FKBP5: variants seen among roughly 807,000 people sequenced by gnomAD.
The protein encoded by FKBP5 is FKBP prolyl isomerase 5.
Under a neutral mutation model 50.5 loss-of-function variants are expected in FKBP5, and 23 were observed. The observed-to-expected ratio is 0.46, with a 90% CI of 0.33 to 0.65. FKBP5 has a LOEUF of 0.65. Ranked by LOEUF, FKBP5 falls within the 30% of genes least tolerant of loss-of-function variation. The pLI is 0.02. For missense variants in FKBP5, 411 were observed against 553.1 expected, an observed-to-expected ratio of 0.74 and a Z score of 2.58; for synonymous variants, 176 against 190.6, an observed-to-expected ratio of 0.92 and a Z score of 0.63.
intron 1 of FKBP5, among the ~76,000 whole-genome samples, chr6:35,721,475 G>C (rs898010846): frequency 2.0e-5 from 3 of 149,994 alleles, no homozygotes; most frequent in East Asian, 1.9e-4. Context: ...TTTTTTTTTA[G>C]ATGGAGTTTC....
At chr6:35,597,167 G>T in intron 6 of FKBP5, 81 bp downstream of exon 6, 1 of 1,494,422 alleles carries the variant, frequency 6.7e-7, no homozygotes, top group Non-Finnish European at 9.2e-7. Context: ...CACTGAAAAT[G>T]CCAAAACACT....
chr6:35,703,070 C>T (rs1019820579), intron 2 of FKBP5, among the ~76,000 whole-genome samples: 7 of 152,100 alleles, frequency 4.6e-5, no homozygotes, highest in African/African-American at 1.4e-4. Context: ...GCCAACATGG[C>T]GAAACCCTGT....
intron 2 of FKBP5, among the ~76,000 whole-genome samples, chr6:35,717,991 G>A (rs1766542337): frequency 6.6e-6 from 1 of 152,184 alleles, no homozygotes; most frequent in South Asian, 2.1e-4. Context: ...AACGGTGGCT[G>A]GCAAAACAGA....
At chr6:35,706,538 G>A (rs907941224) in intron 2 of FKBP5, among the ~76,000 whole-genome samples, 5 of 152,004 alleles carry the variant, frequency 3.3e-5, no homozygotes, top group Non-Finnish European at 5.9e-5. Flanking sequence ...TATGCCATTT[G>A]TATCTACTTG....
intron 3 of FKBP5, among the ~76,000 whole-genome samples, chr6:35,635,443 CCT>C (rs1018233868): frequency 6.6e-6 from 1 of 151,464 alleles, no homozygotes. Context: ...AGATCGAGAC[CCT>C]GTCTCAAAAA....
chr6:35,604,945 CA>C lies in FKBP5; in HGVS notation c.509-7542del, dbSNP rs572965151. On this transcript the variant is annotated intron_variant, in intron 5 of 10. Coordinates refer to ENST00000357266, the MANE Select transcript of FKBP5 (RefSeq NM_004117.4). ...GACTACAGGCGCCCGCCACCATGCC[CA>C]GCTAATTTTTTGTATTTTTAGTAGA... 2.6e-4 allele frequency among the ~76,000 whole-genome samples: 39 copies of C among 152,122 alleles called. No homozygotes were observed. The South Asian group carries it at 6.4e-3, about 25-fold the overall frequency.
At chr6:35,710,043 G>A (rs1766387204) in intron 2 of FKBP5, among the ~76,000 whole-genome samples, 1 of 152,188 alleles carries the variant, frequency 6.6e-6, no homozygotes, top group Admixed American at 6.5e-5. Context: ...AGAATTCCAG[G>A]AAATGATCCT....
chr6:35,630,706 C>T (rs1764129080), intron 3 of FKBP5, among the ~76,000 whole-genome samples: 1 of 152,204 alleles, frequency 6.6e-6, no homozygotes, highest in Non-Finnish European at 1.5e-5. Context: ...CTGCCACTTA[C>T]TGTATAGCCT....
At chr6:35,683,124 G>A (rs1462430599) in intron 1 of FKBP5, among the ~76,000 whole-genome samples, 24 of 9,016 alleles carry the variant, frequency 2.7e-3, no homozygotes, top group African/African-American at 3.7e-3. Context: ...ACGTATATGT[G>A]TGTGTGTGTG....
At chr6:35,636,873 C>A in intron 3 of FKBP5, 141 bp downstream of exon 3, 1 of 638,648 alleles carries the variant, frequency 1.6e-6, no homozygotes, top group Non-Finnish European at 2.4e-6. Context: ...CTCAGAGAGC[C>A]CTAGGGATTC....
At chr6:35,667,961 T>G (rs1193383631) in intron 1 of FKBP5, among the ~76,000 whole-genome samples, 2 of 152,084 alleles carry the variant, frequency 1.3e-5, no homozygotes, top group African/African-American at 4.8e-5. Flanking sequence ...TGAGACTCTT[T>G]CGAAAAGAAA....
At position 35,642,562 on chromosome 6, in the gene FKBP5, C is replaced by A. The variant is rs1356252809; in HGVS notation, c.105+158G>T. Among the ~76,000 whole-genome samples the A allele has an allele frequency of 3.3e-5, 5 of 152,212 alleles. No homozygotes were observed. The South Asian group carries it at 1.0e-3, about 32-fold the overall frequency. On this transcript the variant is annotated intron_variant, in intron 2 of 10. Transcript: ENST00000357266. ...AACGAGACTCAACTCTTAAAAAAAA[C>A]CTTGAAGTTATGAAGACAAAATGAG... is the stretch of plus-strand genomic sequence containing the variant.
At chr6:35,711,395 A>G (rs939321567) in intron 2 of FKBP5, among the ~76,000 whole-genome samples, 2 of 151,918 alleles carry the variant, frequency 1.3e-5, no homozygotes, top group Non-Finnish European at 1.5e-5. Context: ...AGGTGGGTGC[A>G]TCACCTGAGG....
chr6:35,613,795 G>A (rs1210781212), intron 5 of FKBP5, among the ~76,000 whole-genome samples: 1 of 152,310 alleles, frequency 6.6e-6, no homozygotes, highest in East Asian at 1.9e-4. Context: ...TCTTTTGAGT[G>A]AAAAAGTAAA....
At chr6:35,708,772 G>T (rs1471560412) in intron 2 of FKBP5, among the ~76,000 whole-genome samples, 1 of 152,024 alleles carries the variant, frequency 6.6e-6, no homozygotes, top group African/African-American at 2.4e-5. Flanking sequence ...TTGTTTGTTT[G>T]TTTGTTTTGC....
intron 5 of FKBP5, among the ~76,000 whole-genome samples, chr6:35,618,230 CAG>C (rs544910524): frequency 9.2e-4 from 140 of 152,168 alleles, no homozygotes; most frequent in African/African-American, 3.0e-3. Context: ...GTTGGCACAC[CAG>C]AGAGTCCACA....
chr6:35,720,757 G>A (rs1029539384), intron 1 of FKBP5, among the ~76,000 whole-genome samples: 3 of 152,068 alleles, frequency 2.0e-5, no homozygotes. Context: ...TTGGAGCCAC[G>A]ATCATCCTGC....
chr6:35,586,535 G>A (rs1425265422), intron 8 of FKBP5: 7 of 987,680 alleles, frequency 7.1e-6, no homozygotes, highest in Non-Finnish European at 8.4e-6. Flanking sequence ...GGGAAGCTGA[G>A]GTGGGAGGAT....
At chr6:35,624,046 G>C (rs1305462253) in intron 3 of FKBP5, among the ~76,000 whole-genome samples, 5 of 152,024 alleles carry the variant, frequency 3.3e-5, no homozygotes, top group African/African-American at 9.7e-5. Context: ...TGTTGCTCAG[G>C]CTGGACTCAA....
Sources: allele counts gnomAD v4.1 joint callset (sites outside exome capture counted in the v4.1 genomes callset), GRCh38; gene constraint gnomAD v4.1.1; transcripts MANE v1.5; gene names NCBI Gene and HGNC (gene_info 2026-07-23, HGNC 2026-07-21).